Variants in AKAP19 observed in about 807,000 individuals in gnomAD.
AKAP19 encodes the protein small A-kinase anchoring protein.
At chr2:190,201,846 A>C in the AKAP19 span, 1 of 167,074 alleles carries the variant, frequency 6.0e-6, no homozygotes, top group South Asian at 2.1e-4. Flanking sequence ...CATAAGTATA[A>C]AACATTTCCA....
the AKAP19 span, among the ~76,000 whole-genome samples, chr2:189,925,850 G>A: frequency 6.6e-6 from 1 of 152,112 alleles, no homozygotes; most frequent in Non-Finnish European, 1.5e-5. Context: ...CATTATCAAA[G>A]CCAGAAGAAA....
chr2:190,027,416 T>C, the AKAP19 span, among the ~76,000 whole-genome samples: 1 of 152,200 alleles, frequency 6.6e-6, no homozygotes, highest in Non-Finnish European at 1.5e-5. Context: ...ATATGGCCTA[T>C]TAGTAGACTT....
the AKAP19 span, among the ~76,000 whole-genome samples, chr2:190,011,990 T>C: frequency 1.3e-5 from 2 of 152,170 alleles, no homozygotes; most frequent in Non-Finnish European, 2.9e-5. Flanking sequence ...GGAATTTCAA[T>C]AGGGATTACG....
At chr2:189,983,569 A>G in the AKAP19 span, among the ~76,000 whole-genome samples, 45 of 152,348 alleles carry the variant, frequency 3.0e-4, no homozygotes, top group African/African-American at 1.0e-3. Flanking sequence ...CCTTCCCCAC[A>G]TCTGTTCCCA....
At chr2:190,010,500 A>G in the AKAP19 span, among the ~76,000 whole-genome samples, 2 of 152,224 alleles carry the variant, frequency 1.3e-5, no homozygotes. Context: ...ATTTGAAAAT[A>G]CTTAACACTC....
At chr2:190,010,022 G>T in the AKAP19 span, among the ~76,000 whole-genome samples, 2 of 152,178 alleles carry the variant, frequency 1.3e-5, no homozygotes, top group Admixed American at 6.5e-5. Context: ...AGGAAGTAAA[G>T]GCCAAAAATA....
chr2:189,972,778 CTGTT>C, the AKAP19 span, among the ~76,000 whole-genome samples: 4 of 152,108 alleles, frequency 2.6e-5, no homozygotes, highest in African/African-American at 4.8e-5. Flanking sequence ...ATTTGGCTCT[CTGTT>C]TGTCTGTTAT....
the AKAP19 span, among the ~76,000 whole-genome samples, chr2:190,153,966 T>C: frequency 6.6e-6 from 1 of 152,234 alleles, no homozygotes; most frequent in Admixed American, 6.5e-5. Context: ...AAGATTCCTC[T>C]GTGAGACGAG....
chr2:189,887,340 G>C, the AKAP19 span, among the ~76,000 whole-genome samples: 1 of 152,160 alleles, frequency 6.6e-6, no homozygotes, highest in Non-Finnish European at 1.5e-5. Context: ...GTATTCCATG[G>C]TGTATATGTG....
the AKAP19 span, among the ~76,000 whole-genome samples, chr2:189,889,929 T>A: frequency 3.3e-5 from 5 of 152,334 alleles, no homozygotes; most frequent in East Asian, 9.6e-4. Flanking sequence ...TCTCCTTCAG[T>A]TCTGCTGTGA....
At chr2:190,071,370 T>G in the AKAP19 span, among the ~76,000 whole-genome samples, 1 of 152,192 alleles carries the variant, frequency 6.6e-6, no homozygotes, top group East Asian at 1.9e-4. Flanking sequence ...TATACCATAT[T>G]TTTTACTGTA....
At chr2:190,062,923 T>G in the AKAP19 span, among the ~76,000 whole-genome samples, 5 of 152,050 alleles carry the variant, frequency 3.3e-5, no homozygotes, top group African/African-American at 9.7e-5. Flanking sequence ...ATAAAAGAAA[T>G]AAATCTACAA....
chr2:190,191,011 ATAAG>A, the AKAP19 span, among the ~76,000 whole-genome samples: 1 of 152,306 alleles, frequency 6.6e-6, no homozygotes, highest in East Asian at 1.9e-4. Flanking sequence ...TGTCATATAA[ATAAG>A]TAACCTTTTG....
the AKAP19 span, among the ~76,000 whole-genome samples, chr2:190,005,974 C>A: frequency 6.6e-6 from 1 of 152,092 alleles, no homozygotes; most frequent in South Asian, 2.1e-4. Flanking sequence ...GACTATTTTT[C>A]TTTACAATAT....
At chr2:190,171,378 G>T in the AKAP19 span, among the ~76,000 whole-genome samples, 1 of 152,058 alleles carries the variant, frequency 6.6e-6, no homozygotes, top group African/African-American at 2.4e-5. Context: ...AATGATCATG[G>T]TTTTCTTAGA....
the AKAP19 span, among the ~76,000 whole-genome samples, chr2:190,153,233 A>T: frequency 6.6e-6 from 1 of 152,352 alleles, no homozygotes; most frequent in Non-Finnish European, 1.5e-5. Context: ...TACATATATG[A>T]AGACTATTAA....
the AKAP19 span, among the ~76,000 whole-genome samples, chr2:190,090,537 A>T: frequency 1.5e-4 from 23 of 152,220 alleles, no homozygotes; most frequent in Admixed American, 1.4e-3. Context: ...TCTTCAGAAC[A>T]GTCTTTTTTC....
chr2:190,034,272 G>T, the AKAP19 span, among the ~76,000 whole-genome samples: 2 of 151,718 alleles, frequency 1.3e-5, no homozygotes, highest in African/African-American at 4.8e-5. Context: ...AAGACCTAGA[G>T]AAATATCTTA....
At chr2:190,101,614 C>T in the AKAP19 span, among the ~76,000 whole-genome samples, 1 of 151,534 alleles carries the variant, frequency 6.6e-6, no homozygotes, top group Non-Finnish European at 1.5e-5. Flanking sequence ...AAAGGCTCAA[C>T]AAGAAGACTT....
Sources: allele counts gnomAD v4.1 joint callset (sites outside exome capture counted in the v4.1 genomes callset), GRCh38; gene constraint gnomAD v4.1.1; transcripts MANE v1.5; gene names NCBI Gene and HGNC (gene_info 2026-07-23, HGNC 2026-07-21).